LTBP1: variants seen among roughly 807,000 people sequenced by gnomAD.
The protein encoded by LTBP1 is latent-transforming growth factor beta-binding protein 1.
Under a neutral mutation model 207.6 loss-of-function variants are expected in LTBP1, and 129 were observed. The observed-to-expected ratio is 0.62, with a 90% CI of 0.54 to 0.72. LTBP1 has a LOEUF of 0.72. Ranked by LOEUF, LTBP1 falls within the 30% of genes least tolerant of loss-of-function variation. LTBP1 has a pLI of 0.00. For missense variants in LTBP1, 2,281 were observed against 2,217.2 expected, an observed-to-expected ratio of 1.03 and a Z score of -0.58; for synonymous variants, 963 against 833.7, an observed-to-expected ratio of 1.16 and a Z score of -2.67.
intron 3 of LTBP1, among the ~76,000 whole-genome samples, chr2:33,055,964 A>T (rs2076975180): frequency 6.6e-6 from 1 of 152,168 alleles, no homozygotes; most frequent in South Asian, 2.1e-4. Context: ...TATGGGGGTA[A>T]GCTGAGAGGT....
intron 24 of LTBP1, among the ~76,000 whole-genome samples, chr2:33,328,994 A>G (rs1402836931): frequency 3.9e-5 from 6 of 152,198 alleles, no homozygotes; most frequent in Non-Finnish European, 8.8e-5. Context: ...ATTCTTGAAC[A>G]TGACTTTTCA....
Position 33,315,964 on chromosome 2 carries a change from G to A in LTBP1, c.3730+695G>A, listed in dbSNP as rs182070583. On this transcript the variant is annotated intron_variant, in intron 24 of 33. Coordinates refer to ENST00000404816, the MANE Select transcript of LTBP1 (RefSeq NM_206943.4). The stretch of plus-strand genomic sequence containing the variant: ...AAAAGAAAAAAAGAATGTCTTGCTT[G>A]ATTTTTCTGTATCACTGTGAACAGA... Among the ~76,000 whole-genome samples the A allele has an allele frequency of 5.9e-5, 9 of 152,292 alleles. No individual in the cohort carries two copies. In the East Asian group the frequency reaches 1.5e-3, roughly 26 times the overall value.
intron 7 of LTBP1, among the ~76,000 whole-genome samples, chr2:33,189,782 T>G (rs1361277150): frequency 1.3e-5 from 2 of 152,228 alleles, no homozygotes; most frequent in Non-Finnish European, 1.5e-5. Flanking sequence ...TCCTACCACT[T>G]TGGGAGGCCG....
At chr2:33,114,946 A>T (rs1471618218) in intron 4 of LTBP1, among the ~76,000 whole-genome samples, 1 of 151,996 alleles carries the variant, frequency 6.6e-6, no homozygotes, top group Admixed American at 6.6e-5. Flanking sequence ...TTGTACATGA[A>T]TGTTCATAGC....
intron 7 of LTBP1, among the ~76,000 whole-genome samples, chr2:33,211,770 A>T (rs1479224427): frequency 6.6e-6 from 1 of 152,212 alleles, no homozygotes; most frequent in Non-Finnish European, 1.5e-5. Flanking sequence ...ATCTCTTCAA[A>T]TCATCATTCA....
At chr2:32,978,999 C>T (rs1300880571) in intron 2 of LTBP1, among the ~76,000 whole-genome samples, 1 of 151,866 alleles carries the variant, frequency 6.6e-6, no homozygotes, top group Admixed American at 6.6e-5. Flanking sequence ...TATAGTTGCT[C>T]ATACTAGCCT....
intron 31 of LTBP1, among the ~76,000 whole-genome samples, chr2:33,384,401 G>A (rs1465671694): frequency 1.3e-5 from 2 of 152,166 alleles, no homozygotes; most frequent in Non-Finnish European, 2.9e-5. Flanking sequence ...CAGTGGGTCG[G>A]GGAGGGTCTT....
chr2:33,339,515 T>A (rs539997547), intron 24 of LTBP1, among the ~76,000 whole-genome samples: 1 of 152,340 alleles, frequency 6.6e-6, no homozygotes, highest in South Asian at 2.1e-4. Context: ...CCTCAAGTTG[T>A]GATCAGTAAA....
At chr2:33,381,298 A>AT (rs141634513) in intron 31 of LTBP1, among the ~76,000 whole-genome samples, 3,894 of 152,200 alleles carry the variant, frequency 0.026, 62 homozygotes, top group South Asian at 0.05. Flanking sequence ...AGGAACCACT[A>AT]TTTTTTTGGC....
chr2:33,377,593 T>A (rs571276281), intron 31 of LTBP1, among the ~76,000 whole-genome samples: 3 of 152,362 alleles, frequency 2.0e-5, no homozygotes, highest in African/African-American at 7.2e-5. Context: ...ATAATCTTAC[T>A]GATGTCCTAT....
chr2:33,327,095 G>A (rs1461186240), intron 24 of LTBP1, among the ~76,000 whole-genome samples: 2 of 152,098 alleles, frequency 1.3e-5, no homozygotes, highest in African/African-American at 2.4e-5. Context: ...TGTGGAGTGG[G>A]GAAAGGAACC....
At chr2:33,323,922 A>G (rs987641581) in intron 24 of LTBP1, among the ~76,000 whole-genome samples, 1 of 152,178 alleles carries the variant, frequency 6.6e-6, no homozygotes, top group Non-Finnish European at 1.5e-5. Flanking sequence ...GTTTGGCTAC[A>G]TGGGCTTGAA....
intron 7 of LTBP1, among the ~76,000 whole-genome samples, chr2:33,216,028 A>G (rs2090672847): frequency 6.6e-6 from 1 of 152,018 alleles, no homozygotes; most frequent in Non-Finnish European, 1.5e-5. Flanking sequence ...ATTGGTTTTC[A>G]CATAGCCATT....
At chr2:33,177,849 C>G (rs1159251553) in intron 5 of LTBP1, among the ~76,000 whole-genome samples, 1 of 152,154 alleles carries the variant, frequency 6.6e-6, no homozygotes, top group Non-Finnish European at 1.5e-5. Flanking sequence ...CAAATGTAAA[C>G]TGTAGTGGTT....
intron 5 of LTBP1, among the ~76,000 whole-genome samples, chr2:33,135,360 G>A (rs1423540715): frequency 1.3e-5 from 2 of 152,174 alleles, no homozygotes; most frequent in East Asian, 1.9e-4. Flanking sequence ...TTGGAAGGTG[G>A]TGATGAAATT....
At chr2:33,279,586 T>C (rs1366187983) in intron 18 of LTBP1, among the ~76,000 whole-genome samples, 1 of 152,182 alleles carries the variant, frequency 6.6e-6, no homozygotes, top group Non-Finnish European at 1.5e-5. Context: ...AGGATATTCT[T>C]GGGCCCATGA....
intron 9 of LTBP1, among the ~76,000 whole-genome samples, chr2:33,235,084 A>G (rs1289436539): frequency 6.6e-6 from 1 of 152,230 alleles, no homozygotes; most frequent in African/African-American, 2.4e-5. Flanking sequence ...TCTGTACAGC[A>G]AAAGAAACTA....
intron 3 of LTBP1, among the ~76,000 whole-genome samples, chr2:33,092,938 C>G (rs561615386): frequency 1.4e-3 from 219 of 152,316 alleles, no homozygotes; most frequent in Non-Finnish European, 1.9e-3. Context: ...GGAACTGATT[C>G]ATAGACCTGC....
At chr2:33,046,546 G>T (rs763539944) in intron 3 of LTBP1, among the ~76,000 whole-genome samples, 1 of 152,182 alleles carries the variant, frequency 6.6e-6, no homozygotes, top group South Asian at 2.1e-4. Flanking sequence ...TTGCATTGAT[G>T]TTCATCAGGG....
Sources: gnomAD v4.1 joint callset for allele counts (sites outside exome capture counted in the v4.1 genomes callset) on GRCh38, gnomAD v4.1.1 for gene constraint, MANE v1.5 for transcripts, NCBI Gene and HGNC (gene_info 2026-07-23, HGNC 2026-07-21) for gene names.